Variants in TM7SF3 observed in about 807,000 individuals in gnomAD.
TM7SF3 encodes seven span transmembrane protein.
TM7SF3 carries 60 observed loss-of-function variants against 65.5 expected under a neutral mutation model. The ratio of observed to expected loss-of-function variants is 0.92; its 90% confidence interval spans 0.74 to 1.14. TM7SF3 has a LOEUF of 1.14. Among genes scored for constraint, TM7SF3 ranks in the 50% most tolerant of loss-of-function variants. The pLI is 0.00. For missense variants in TM7SF3, 623 were observed against 684.8 expected, an observed-to-expected ratio of 0.91 and a Z score of 1.01; for synonymous variants, 264 against 259.6, an observed-to-expected ratio of 1.02 and a Z score of -0.16.
At chr12:27,012,825 C>T (rs1941296914) in intron 1 of TM7SF3, 1 of 413,696 alleles carries the variant, frequency 2.4e-6, no homozygotes, top group Non-Finnish European at 4.8e-6. Flanking sequence ...TGGTGAAACC[C>T]CGCCTGTACT....
chr12:27,010,980 TCA>T (rs1278734606), intron 1 of TM7SF3, among the ~76,000 whole-genome samples: 1 of 152,226 alleles, frequency 6.6e-6, no homozygotes, highest in Non-Finnish European at 1.5e-5. Flanking sequence ...TGTTTGTGTT[TCA>T]ACACAACAAC....
intron 6 of TM7SF3, among the ~76,000 whole-genome samples, chr12:26,985,492 G>A (rs1212004168): frequency 6.6e-6 from 1 of 151,172 alleles, no homozygotes; most frequent in Non-Finnish European, 1.5e-5. Flanking sequence ...GGGTGTGGTG[G>A]TACACGCCTA....
In TM7SF3 at chr12:27,003,271, A is replaced by C. The variant is rs1360530573; in HGVS notation, c.211T>G (p.Ser71Ala). 2.5e-6 allele frequency: 4 copies of C among 1,612,614 alleles called. No individual in the cohort carries two copies. Among genetic ancestry groups the C allele is most frequent in the South Asian group, 1.1e-5 (1 of 90,972 alleles). The change falls in exon 2 of 12, where the codon TCA becomes GCA. Residue 71 changes from serine to alanine, a missense_variant. Transcript: ENST00000343028. ...NVTFLIFQIH[S>A]QYQNTTVSFS... ...GAAACAGTTGTATTCTGATACTGTG[A>C]GTGTATTTGGAAAATAAGAAAAGTC...
chr12:26,996,307 C>G (rs189076138), intron 4 of TM7SF3, among the ~76,000 whole-genome samples: 405 of 152,318 alleles, frequency 2.7e-3, no homozygotes, highest in Non-Finnish European at 3.8e-3. Flanking sequence ...CATAACAACA[C>G]TCAGCACCAC....
In TM7SF3 at chr12:26,974,045, G is replaced by C; in HGVS notation, c.1633C>G (p.Leu545Val). The C allele has an allele frequency of 6.2e-7, 1 of 1,614,146 alleles. No individual in the cohort carries two copies. The highest frequency in any genetic ancestry group is 1.3e-5 in the African/African-American group (1 of 75,040). ...SYHIPPLRER[L>V]YGRLTQIKGL... ...TTAATCTGGGTTAATCGGCCATAGA[G>C]CCTCTCTCTCAATGGAGGAATGTGG... The change falls in exon 12 of 12, where the codon CTC becomes GTC. Residue 545 changes from leucine (L) to valine (V), a missense_variant. Transcript: ENST00000343028.
intron 3 of TM7SF3, among the ~76,000 whole-genome samples, chr12:26,998,054 G>A (rs544283080): frequency 4.3e-4 from 66 of 152,112 alleles, no homozygotes; most frequent in African/African-American, 1.5e-3. Context: ...TCAAACTCCC[G>A]ATTATATAAA....
intron 1 of TM7SF3, among the ~76,000 whole-genome samples, chr12:27,008,469 CTT>C (rs1437928914): frequency 6.6e-6 from 1 of 152,144 alleles, no homozygotes; most frequent in East Asian, 1.9e-4. Flanking sequence ...TTCTCCCACT[CTT>C]GTTGCTTGTC....
intron 5 of TM7SF3, 148 bp downstream of exon 5, chr12:26,995,089 T>C: frequency 1.3e-6 from 1 of 772,674 alleles, no homozygotes; most frequent in Non-Finnish European, 2.0e-6. Context: ...CAGCAAAGAC[T>C]CCCAAGATGA....
At chr12:27,010,893 C>T (rs1431960359) in intron 1 of TM7SF3, among the ~76,000 whole-genome samples, 3 of 152,208 alleles carry the variant, frequency 2.0e-5, no homozygotes, top group Middle Eastern at 3.4e-3. Context: ...TTTTTCTTTC[C>T]GAATCAGATC....
chr12:27,002,586 T>C (rs1351517690), intron 2 of TM7SF3, among the ~76,000 whole-genome samples: 1 of 152,206 alleles, frequency 6.6e-6, no homozygotes, highest in East Asian at 1.9e-4. Context: ...GTCTAGGGCA[T>C]CATAGAGACT....
intron 2 of TM7SF3, 112 bp downstream of exon 2, chr12:27,003,124 A>G: frequency 3.9e-6 from 3 of 773,198 alleles, no homozygotes; most frequent in Non-Finnish European, 5.9e-6. Flanking sequence ...AATTTAAGAC[A>G]TAAGATCATA....
At position 26,976,330 on chromosome 12, in the gene TM7SF3, C is replaced by A. The variant is rs987869741; in HGVS notation, c.1217G>T (p.Gly406Val). The A allele has an allele frequency of 1.1e-5, 17 of 1,613,814 alleles. No homozygotes were observed. The highest frequency in any genetic ancestry group is 1.4e-5 in the Non-Finnish European group (17 of 1,179,832). Residue 406 changes from glycine (G) to valine (V), a missense_variant, in exon 10 of 12, where the codon GGT (glycine) becomes GTT (valine). By Grantham distance (109) the Gly-to-Val change is moderately radical. Transcript: ENST00000343028. ...GCAAGAGAAAGTGACCCAGAATACA[C>A]CATCATCATGAAAAATCTTTAGGTT... is the stretch of plus-strand genomic sequence containing the variant. ...LGNLKIFHDDGVFWVTFSCIA... is the reference protein window; with the variant it reads ...LGNLKIFHDDVVFWVTFSCIA...
At chr12:26,988,672 T>TTGTGTGTGTG (rs147021582) in intron 6 of TM7SF3, among the ~76,000 whole-genome samples, 2,778 of 146,294 alleles carry the variant, frequency 0.019, 38 homozygotes, top group South Asian at 0.028. Context: ...GAGAAGAAAA[T>TTGTGTGTGTG]TGTGTGTGTG....
chr12:26,998,932 G>A (rs145784996), intron 3 of TM7SF3, among the ~76,000 whole-genome samples: 1 of 152,208 alleles, frequency 6.6e-6, no homozygotes, highest in East Asian at 1.9e-4. Flanking sequence ...TCTTCATGAC[G>A]TCGAGCTTAC....
chr12:27,005,401 G>T (rs1940991453), intron 1 of TM7SF3, among the ~76,000 whole-genome samples: 1 of 152,126 alleles, frequency 6.6e-6, no homozygotes. Flanking sequence ...GATCAAAACT[G>T]ACACAAACAA....
Position 27,014,242 on chromosome 12 carries a change from C to T in TM7SF3, c.-74G>A. 7.0e-7 allele frequency: 1 copy of T among 1,420,890 alleles called. No homozygotes were observed. The highest frequency in any genetic ancestry group is 9.5e-7 in the Non-Finnish European group (1 of 1,055,712). The allele number at this position is 1,420,890 out of a possible 1,614,324, so 88.0% of individuals were successfully genotyped here. ...GGCGTGCGCGCCGGGGCCCCGCAGC[C>T]TCGCCCACGCTATCCCGGGGCGCCC... On this transcript the variant is annotated 5_prime_UTR_variant, in exon 1 of 12. Coordinates refer to ENST00000343028, the MANE Select transcript of TM7SF3 (RefSeq NM_016551.3).
chr12:26,985,716 T>C (rs1204976217), intron 6 of TM7SF3, among the ~76,000 whole-genome samples: 2 of 144,434 alleles, frequency 1.4e-5, no homozygotes, highest in Non-Finnish European at 3.0e-5. Context: ...TCTCTTGCAT[T>C]GTATCCCTCA....
rs1940547448 is a variant in TM7SF3, at chr12:26,995,368, C to T, written c.559G>A (p.Asp187Asn). The T allele has an allele frequency of 6.2e-7, 1 of 1,614,210 alleles. No individual in the cohort carries two copies. The highest frequency in any genetic ancestry group is 1.7e-5 in the Admixed American group (1 of 60,022). The change falls in exon 5 of 12, where the codon GAC becomes AAC. Residue 187 changes from aspartate (D) to asparagine (N), a missense_variant. Asp to Asn is a conservative substitution (Grantham distance 23). Coordinates refer to ENST00000343028, the MANE Select transcript of TM7SF3 (RefSeq NM_016551.3). ...TCATACTGCAACCTCCACCTGGAGT[C>T]CTGGTCTGTCCCAGCGTCACATGGT... ...PPPCDAGTDQ[D>N]SRWRLQYDVY...
chr12:26,975,642 C>A lies in TM7SF3; in HGVS notation c.1304G>T (p.Cys435Phe). 6.2e-7 allele frequency: 1 copy of A among 1,609,746 alleles called. No individual in the cohort carries two copies. Among genetic ancestry groups the A allele is most frequent in the African/African-American group, 1.4e-5 (1 of 72,790 alleles). Reference protein sequence around the residue: ...GCLRILNILTCGVIGSYSVVL... With the variant: ...GCLRILNILTFGVIGSYSVVL... Reference sequence around the variant, plus strand: ...CACCGAATAGGAGCCAATGACTCCACAAGTCAGTATGTTCAGCTGTGGAAG... The same window carrying A: ...CACCGAATAGGAGCCAATGACTCCAAAAGTCAGTATGTTCAGCTGTGGAAG... Residue 435 changes from cysteine (C) to phenylalanine (F), a missense_variant, in exon 11 of 12, where the codon TGT becomes TTT. By Grantham distance (205) the Cys-to-Phe change is radical. Transcript: ENST00000343028.
Sources: gnomAD v4.1 joint callset for allele counts (sites outside exome capture counted in the v4.1 genomes callset) on GRCh38, gnomAD v4.1.1 for gene constraint, MANE v1.5 for transcripts, NCBI Gene and HGNC (gene_info 2026-07-23, HGNC 2026-07-21) for gene names.